METAP2: variants seen among roughly 807,000 people sequenced by gnomAD.
METAP2 encodes methionyl aminopeptidase 2.
A neutral mutation model predicts 59.4 loss-of-function variants in METAP2; 25 were observed. The observed-to-expected ratio is 0.42, with a 90% CI of 0.31 to 0.59. The LOEUF is 0.59. METAP2 is among the 20% of genes least tolerant of loss of function. The pLI is 0.16. For missense variants in METAP2, 366 were observed against 581.2 expected, an observed-to-expected ratio of 0.63 and a Z score of 3.81; for synonymous variants, 214 against 194.1, an observed-to-expected ratio of 1.10 and a Z score of -0.85.
intron 4 of METAP2, among the ~76,000 whole-genome samples, chr12:95,493,519 A>T (rs1385403728): frequency 6.6e-6 from 1 of 152,210 alleles, no homozygotes; most frequent in Admixed American, 6.5e-5. Context: ...AATGTGAGCC[A>T]TGTCTTTCAA....
chr12:95,512,887 A>G lies in METAP2; in HGVS notation c.1155A>G (p.Lys385=). ...HDDMECSHYM[K]NFDVGHVPIR... ...ATATGGAATGTTCACATTACATGAA[A>G]AATTTTGATGTTGGACATGTGCCAA... is the stretch of plus-strand genomic sequence containing the variant. Residue 385 remains lysine (K), a synonymous_variant, in exon 10 of 11, where the codon AAA becomes AAG. Transcript: ENST00000323666. 6.2e-7 allele frequency: 1 copy of G among 1,611,954 alleles called. No individual in the cohort carries two copies. The highest frequency in any genetic ancestry group is 8.5e-7 in the Non-Finnish European group (1 of 1,178,284).
intron 7 of METAP2, among the ~76,000 whole-genome samples, chr12:95,496,802 C>G (rs2076278419): frequency 6.7e-6 from 1 of 149,234 alleles, no homozygotes. Context: ...ATAAAATTTA[C>G]CATATTAACT....
At chr12:95,476,272 C>A in intron 2 of METAP2, 94 bp downstream of exon 2, 1 of 696,906 alleles carries the variant, frequency 1.4e-6, no homozygotes, top group Non-Finnish European at 2.3e-6. Context: ...TTTGGGAGGT[C>A]GAGGCGGGTG....
chr12:95,508,071 G>A (rs1204531462), intron 8 of METAP2, among the ~76,000 whole-genome samples: 7 of 151,482 alleles, frequency 4.6e-5, no homozygotes, highest in South Asian at 2.1e-4. Flanking sequence ...GTGAGGCACC[G>A]CACCCAGCCG....
At chr12:95,486,359 C>CT (rs775522808) in intron 4 of METAP2, among the ~76,000 whole-genome samples, 1 of 152,080 alleles carries the variant, frequency 6.6e-6, no homozygotes, top group East Asian at 1.9e-4. Context: ...TTGATGTCTA[C>CT]TATATCTTTA....
chr12:95,508,218 G>A (rs535101077), intron 8 of METAP2, among the ~76,000 whole-genome samples: 19 of 152,228 alleles, frequency 1.2e-4, no homozygotes, highest in Admixed American at 1.1e-3. Context: ...CCTAGCCAAA[G>A]CCATAAGGAA....
intron 2 of METAP2, among the ~76,000 whole-genome samples, chr12:95,477,138 C>G (rs758876348): frequency 6.6e-6 from 1 of 151,924 alleles, no homozygotes; most frequent in Non-Finnish European, 1.5e-5. Flanking sequence ...GAGTCTCGCT[C>G]TGTCGCACAG....
intron 8 of METAP2, among the ~76,000 whole-genome samples, chr12:95,509,847 C>CCCCCCTT (rs2076389026): frequency 1.5e-5 from 2 of 131,630 alleles, no homozygotes; most frequent in Non-Finnish European, 1.6e-5. Flanking sequence ...CCCCCCCAAC[C>CCCCCCTT]TTTTTTTTTT....
At chr12:95,475,999 A>G (rs1594407455) in intron 1 of METAP2, 72 bp from the exon 2 acceptor site, 2 of 850,194 alleles carry the variant, frequency 2.4e-6, no homozygotes, top group East Asian at 5.2e-5. Context: ...AAGTTTTCCA[A>G]GATCATTAGA....
chr12:95,511,932 G>C lies in METAP2; in HGVS notation c.1002G>C (p.Gly334=). 1.2e-6 allele frequency: 2 copies of C among 1,612,412 alleles called. No individual in the cohort carries two copies. ...GTAATCTAAATGGACATTCAATTGGGCAATATAGAATACATGCTGGAAAAA... is the reference window on the plus strand; with the variant it reads ...GTAATCTAAATGGACATTCAATTGGCCAATATAGAATACATGCTGGAAAAA... ...PIRNLNGHSI[G]QYRIHAGKTV... is the part of the protein sequence containing the mutation. The change falls in exon 9 of 11, where the codon GGG becomes GGC. Residue 334 remains glycine (G), a synonymous_variant. Coordinates refer to ENST00000323666, the MANE Select transcript of METAP2 (RefSeq NM_006838.4).
chr12:95,486,928 T>C (rs12818876), intron 4 of METAP2, among the ~76,000 whole-genome samples: 5,591 of 152,356 alleles, frequency 0.037, 156 homozygotes, highest in Non-Finnish European at 0.056. Context: ...GAAGTGGCAT[T>C]ATGAAGACAT....
intron 2 of METAP2, among the ~76,000 whole-genome samples, chr12:95,476,944 ACTTTACCCAGCCCTTCATGG>A (rs1207263603): frequency 6.6e-6 from 1 of 152,008 alleles, no homozygotes; most frequent in African/African-American, 2.4e-5. Context: ...ATTTATTTTG[ACTTTACCCAGCCCTTCATGG>A]CTTTACCCAG....
rs1275321032 is a variant in METAP2, at chr12:95,492,919, A to C, written c.429-1137A>C. The stretch of plus-strand genomic sequence containing the variant: ...CTTAGCTTTGCCATTGTAGCATGAA[A>C]ATAGCTATAGACAGTACATAAATGA... On this transcript the variant is annotated intron_variant, in intron 4 of 10. Coordinates refer to ENST00000323666, the MANE Select transcript of METAP2 (RefSeq NM_006838.4). 2.6e-5 allele frequency among the ~76,000 whole-genome samples: 4 copies of C among 152,194 alleles called. No homozygotes were observed. The East Asian group carries it at 5.8e-4, about 22-fold the overall frequency.
chr12:95,498,978 T>C (rs1328518202), intron 7 of METAP2, among the ~76,000 whole-genome samples: 1 of 151,350 alleles, frequency 6.6e-6, no homozygotes, highest in Non-Finnish European at 1.5e-5. Context: ...ATTACGCCAC[T>C]GCGTTCCAGC....
At chr12:95,510,847 C>T (rs1389151228) in intron 8 of METAP2, among the ~76,000 whole-genome samples, 1 of 152,160 alleles carries the variant, frequency 6.6e-6, no homozygotes, top group African/African-American at 2.4e-5. Context: ...TTATGCATCC[C>T]TAAACTAGTT....
rs2076422901 is a variant in METAP2, at chr12:95,513,753, T to C, written c.1286T>C (p.Leu429Ser). Residue 429 changes from leucine to serine, a missense_variant, in exon 11 of 11, where the codon TTG becomes TCG. This residue lies in a region of METAP2 where 82 missense variants were observed against 156.2 expected (regional missense o/e 0.52). Transcript: ENST00000323666. ...GATCGCTTGGGAGAAAGTAAATACT[T>C]GATGGCTCTGAAGAATCTGTGTGAC... Reference protein sequence around the residue: ...WLDRLGESKYLMALKNLCDLG... With the variant: ...WLDRLGESKYSMALKNLCDLG... The C allele has an allele frequency of 6.2e-7, 1 of 1,614,248 alleles. No homozygotes were observed.
chr12:95,506,356 G>A (rs946810800), intron 8 of METAP2, among the ~76,000 whole-genome samples: 1 of 148,468 alleles, frequency 6.7e-6, no homozygotes, highest in African/African-American at 2.5e-5. Flanking sequence ...GAGTGCAGTG[G>A]CGCAATCTTG....
At position 95,494,949 on chromosome 12, in the gene METAP2, T is replaced by G; in HGVS notation, c.591-8T>G. On this transcript the variant is annotated splice_region_variant and splice_polypyrimidine_tract_variant and intron_variant, in intron 5 of 10. Transcript: ENST00000323666. ...AGTAAACAAGTTCCCTTTGCTTTTT[T>G]GTTTTAGTGAAAAGTTGGAAGACTG... 6.2e-7 allele frequency: 1 copy of G among 1,606,540 alleles called. No individual in the cohort carries two copies. The highest frequency in any genetic ancestry group is 8.5e-7 in the Non-Finnish European group (1 of 1,176,320).
intron 2 of METAP2, among the ~76,000 whole-genome samples, chr12:95,480,985 T>C (rs1041911975): frequency 5.3e-5 from 8 of 152,266 alleles, no homozygotes; most frequent in Admixed American, 1.3e-4. Flanking sequence ...TTAGCTGTTA[T>C]GTTTAGGTCT....
Sources: gnomAD v4.1 joint callset for allele counts (sites outside exome capture counted in the v4.1 genomes callset) on GRCh38, gnomAD v4.1.1 for gene constraint, gnomAD v4.1.1 regional missense constraint, MANE v1.5 for transcripts, NCBI Gene and HGNC (gene_info 2026-07-23, HGNC 2026-07-21) for gene names.